The following CCDC171 variants were observed in gnomAD, a reference collection of about 807,000 sequenced individuals.
CCDC171 encodes coiled-coil domain-containing protein 171.
A neutral mutation model predicts 168.2 loss-of-function variants in CCDC171; 177 were observed. The observed-to-expected ratio is 1.05, with a 90% CI of 0.93 to 1.19. The LOEUF (loss-of-function observed/expected upper bound fraction) is 1.19, where lower values mean the gene tolerates loss of function less well. CCDC171 is among the 50% of genes most tolerant of loss of function. The pLI, the probability that CCDC171 is intolerant of heterozygous loss-of-function variation, is 0.00. For missense variants in CCDC171, 1,991 were observed against 1,539.0 expected (o/e 1.29, Z -4.91); for synonymous variants, 687 against 540.8 (o/e 1.27, Z -3.75).
chr9:15,651,670 A>T (rs532191318), intron 7 of CCDC171, among the ~76,000 whole-genome samples: 105 of 152,246 alleles, frequency 6.9e-4, no homozygotes, highest in South Asian at 1.2e-3. Context: ...TATTGCTGCA[A>T]ATGACAGCAT....
intron 23 of CCDC171, among the ~76,000 whole-genome samples, chr9:15,853,710 G>A (rs1470158493): frequency 6.6e-6 from 1 of 151,584 alleles, no homozygotes; most frequent in African/African-American, 2.4e-5. Context: ...ACACCATTAA[G>A]CATGATATTA....
rs141531897 is a variant in CCDC171 at position 15,658,329 on chromosome 9, G to A, written c.915+1110G>A. 1.4e-4 allele frequency among the ~76,000 whole-genome samples: 21 copies of A among 152,278 alleles called. 1 individual carries two copies. Among genetic ancestry groups the A allele is most frequent in the African/African-American group, 4.3e-4 (18 of 41,564 alleles). The stretch of plus-strand genomic sequence containing the variant: ...CAGACAGATATGAAATCTAAGTTTA[G>A]GAAAATAACTCTGGTGCCATATTGG... On this transcript the variant is annotated intron_variant, in intron 8 of 25. Transcript: ENST00000380701.
chr9:15,916,414 G>GCA (rs1563996270), intron 24 of CCDC171, among the ~76,000 whole-genome samples: 3 of 99,094 alleles, frequency 3.0e-5, no homozygotes, highest in South Asian at 3.4e-4. Context: ...ATATATTTAC[G>GCA]TAAGATATAG....
At chr9:15,770,228 A>C (rs779158973) in intron 18 of CCDC171, among the ~76,000 whole-genome samples, 4 of 152,204 alleles carry the variant, frequency 2.6e-5, no homozygotes, top group Non-Finnish European at 4.4e-5. Context: ...TGCCTTGTTG[A>C]AGACCACCCA....
intron 23 of CCDC171, among the ~76,000 whole-genome samples, chr9:15,865,800 G>A (rs1482178644): frequency 6.6e-6 from 1 of 150,848 alleles, no homozygotes; most frequent in African/African-American, 2.4e-5. Flanking sequence ...CAACTCTGTG[G>A]GGGTTGGCAT....
At chr9:15,603,217 C>T (rs1169452195) in intron 6 of CCDC171, among the ~76,000 whole-genome samples, 1 of 152,128 alleles carries the variant, frequency 6.6e-6, no homozygotes, top group Non-Finnish European at 1.5e-5. Context: ...ATCTCCTGAC[C>T]TTGTGATCTT....
At chr9:15,666,411 A>T in intron 9 of CCDC171, 88 bp downstream of exon 9, 1 of 881,152 alleles carries the variant, frequency 1.1e-6, no homozygotes, top group South Asian at 2.1e-5. Context: ...TGTATTTTAG[A>T]TATAGCTCCC....
chr9:15,787,834 T>C lies in CCDC171; in HGVS notation c.3267+3140T>C, dbSNP rs1318162239. Among the ~76,000 whole-genome samples the C allele has an allele frequency of 1.3e-5, 2 of 152,312 alleles. 1 individual carries two copies. The highest frequency in any genetic ancestry group is 4.1e-4 in the South Asian group (2 of 4,830). ...TAGATATGTCCTTGTTACTTTAATTTGTATTTCTTTTATTATCAGTGGAGT... is the reference window on the plus strand; with the variant it reads ...TAGATATGTCCTTGTTACTTTAATTCGTATTTCTTTTATTATCAGTGGAGT... On this transcript the variant is annotated intron_variant, in intron 21 of 25. Transcript: ENST00000380701.
At chr9:15,898,224 T>C (rs1821153882) in intron 24 of CCDC171, among the ~76,000 whole-genome samples, 1 of 152,158 alleles carries the variant, frequency 6.6e-6, no homozygotes, top group Non-Finnish European at 1.5e-5. Flanking sequence ...GCATAGGCTT[T>C]ATTTACTTCC....
chr9:15,628,426 C>A (rs1201044954), intron 7 of CCDC171, among the ~76,000 whole-genome samples: 2 of 152,186 alleles, frequency 1.3e-5, no homozygotes, highest in African/African-American at 4.8e-5. Flanking sequence ...TCGCTTATTG[C>A]TAGCACAGCA....
At chr9:15,667,210 C>A (rs888267871) in intron 9 of CCDC171, among the ~76,000 whole-genome samples, 1 of 152,080 alleles carries the variant, frequency 6.6e-6, no homozygotes, top group African/African-American at 2.4e-5. Flanking sequence ...TTTCCCCCCC[C>A]AGAGGGTGAA....
At chr9:15,794,687 GAAC>G (rs1305653976) in intron 21 of CCDC171, among the ~76,000 whole-genome samples, 2 of 152,098 alleles carry the variant, frequency 1.3e-5, no homozygotes, top group African/African-American at 4.8e-5. Flanking sequence ...TAAAACCAAA[GAAC>G]AACATGTGAT....
At chr9:15,944,614 C>G (rs1316213961) in intron 25 of CCDC171, among the ~76,000 whole-genome samples, 1 of 151,954 alleles carries the variant, frequency 6.6e-6, no homozygotes, top group Non-Finnish European at 1.5e-5. Flanking sequence ...CAGTTCAGCT[C>G]AAGAGCCCAT....
intron 5 of CCDC171, 108 bp downstream of exon 5, chr9:15,591,664 C>A (rs2042017014): frequency 7.5e-6 from 5 of 665,458 alleles, no homozygotes; most frequent in South Asian, 2.2e-5. Flanking sequence ...TTCCTTCCTC[C>A]TTCCTTCCTC....
At chr9:15,703,264 G>T (rs998675923) in intron 11 of CCDC171, among the ~76,000 whole-genome samples, 2 of 152,134 alleles carry the variant, frequency 1.3e-5, no homozygotes, top group African/African-American at 2.4e-5. Context: ...TTTGATCTGC[G>T]CAGACCATTA....
At chr9:16,036,384 C>T (rs1461942258) in intron 8 of CCDC171, among the ~76,000 whole-genome samples, 1 of 152,240 alleles carries the variant, frequency 6.6e-6, no homozygotes, top group Non-Finnish European at 1.5e-5. Flanking sequence ...GTGGCTCACG[C>T]CTGTAATCCC....
At chr9:16,030,471 A>G (rs960279595) in intron 6 of CCDC171, among the ~76,000 whole-genome samples, 3 of 152,224 alleles carry the variant, frequency 2.0e-5, no homozygotes, top group Non-Finnish European at 2.9e-5. Context: ...CATAGTCTAT[A>G]GGTGTGTACT....
chr9:15,908,838 C>G (rs546598317), intron 24 of CCDC171, among the ~76,000 whole-genome samples: 41 of 152,174 alleles, frequency 2.7e-4, no homozygotes, highest in African/African-American at 9.9e-4. Context: ...GGAGGTGCCA[C>G]ATGGTTTTAA....
intron 7 of CCDC171, among the ~76,000 whole-genome samples, chr9:15,644,484 C>T (rs192374034): frequency 2.0e-5 from 3 of 152,170 alleles, no homozygotes; most frequent in Non-Finnish European, 4.4e-5. Flanking sequence ...AGGGAATTCC[C>T]TTTCCTAGCT....
Sources: gnomAD v4.1 joint callset for allele counts (sites outside exome capture counted in the v4.1 genomes callset) on GRCh38, gnomAD v4.1.1 for gene constraint, MANE v1.5 for transcripts, NCBI Gene and HGNC (gene_info 2026-07-23, HGNC 2026-07-21) for gene names.